The following STK3 variants were observed in gnomAD, a reference collection of about 807,000 sequenced individuals.
The protein encoded by STK3 is serine/threonine kinase 3.
Under a neutral mutation model 58.0 loss-of-function variants are expected in STK3, and 41 were observed. That is an observed-to-expected ratio of 0.71 (90% CI 0.55 to 0.92). The LOEUF (loss-of-function observed/expected upper bound fraction) is 0.92. Ranked by LOEUF, STK3 falls within the 40% of genes least tolerant of loss-of-function variation. The pLI is 0.00. For missense variants in STK3, 479 were observed against 602.7 expected (o/e 0.79, Z 2.15); for synonymous variants, 170 against 191.0 (o/e 0.89, Z 0.91).
intron 4 of STK3, among the ~76,000 whole-genome samples, chr8:98,746,197 A>C (rs762249900): frequency 3.3e-5 from 5 of 152,326 alleles, no homozygotes; most frequent in Admixed American, 6.5e-5. Flanking sequence ...CACCAGATAG[A>C]AACAAAAACC....
intron 1 of STK3, among the ~76,000 whole-genome samples, chr8:98,441,696 A>G (rs1719137880): frequency 1.3e-5 from 2 of 152,142 alleles, no homozygotes; most frequent in South Asian, 4.1e-4. Flanking sequence ...AGTGGTGGAG[A>G]ATCTCCACCT....
chr8:98,830,969 C>CAAAAAAAAAA, intron 3 of STK3, among the ~76,000 whole-genome samples: 1 of 59,906 alleles, frequency 1.7e-5, no homozygotes, highest in Non-Finnish European at 3.1e-5. Flanking sequence ...GACTCTGTCT[C>CAAAAAAAAAA]AAAAAAAAAA....
chr8:98,613,510 C>G (rs906009645), intron 6 of STK3, among the ~76,000 whole-genome samples: 7 of 151,916 alleles, frequency 4.6e-5, no homozygotes, highest in Non-Finnish European at 1.0e-4. Context: ...TTTACCAGTA[C>G]CTTGTGATAA....
chr8:98,808,255 AG>A (rs1834006653), intron 1 of STK3, among the ~76,000 whole-genome samples: 1 of 152,254 alleles, frequency 6.6e-6, no homozygotes. Context: ...AGGGCAGGAC[AG>A]GAAAGAAAGT....
At chr8:98,536,461 T>TAA (rs969944467) in intron 9 of STK3, among the ~76,000 whole-genome samples, 1 of 151,164 alleles carries the variant, frequency 6.6e-6, no homozygotes, top group Non-Finnish European at 1.5e-5. Flanking sequence ...ACCCTTCTCT[T>TAA]AAAAAAAAAT....
chr8:98,526,675 T>C (rs1825763126), intron 10 of STK3, 67 bp downstream of exon 10: 4 of 1,346,564 alleles, frequency 3.0e-6, no homozygotes, highest in African/African-American at 1.5e-5. Flanking sequence ...ATATGAACTA[T>C]GCTTCTCAAT....
At chr8:98,858,323 T>TATATATAGAG (rs1189807446) in intron 3 of STK3, among the ~76,000 whole-genome samples, 72 of 16,264 alleles carry the variant, frequency 4.4e-3, no homozygotes, top group East Asian at 5.2e-3. Flanking sequence ...TATATATATA[T>TATATATAGAG]AGAGAGAGAG....
chr8:98,599,723 A>T (rs1282680972), intron 6 of STK3, among the ~76,000 whole-genome samples: 1 of 152,076 alleles, frequency 6.6e-6, no homozygotes, highest in African/African-American at 2.4e-5. Flanking sequence ...TGTAATCCCA[A>T]CACTTTGAGG....
chr8:98,710,607 A>G (rs1040853232), intron 4 of STK3, among the ~76,000 whole-genome samples: 2 of 152,234 alleles, frequency 1.3e-5, no homozygotes, highest in African/African-American at 4.8e-5. Flanking sequence ...GGCGCCTGCC[A>G]TTGCCCAGGC....
intron 8 of STK3, among the ~76,000 whole-genome samples, chr8:98,564,202 C>A (rs1406267245): frequency 1.3e-5 from 2 of 152,078 alleles, no homozygotes; most frequent in Non-Finnish European, 2.9e-5. Context: ...AATTGAAGGA[C>A]ATTCTACAAA....
chr8:98,715,154 T>C (rs1645057155), intron 4 of STK3, among the ~76,000 whole-genome samples: 2 of 152,104 alleles, frequency 1.3e-5, no homozygotes, highest in Non-Finnish European at 2.9e-5. Flanking sequence ...AAGACTTACA[T>C]GTTAGACCTA....
At chr8:98,940,091 A>T (rs1387085057) in intron 1 of STK3, among the ~76,000 whole-genome samples, 1 of 152,070 alleles carries the variant, frequency 6.6e-6, no homozygotes, top group Non-Finnish European at 1.5e-5. Context: ...AGGCGAAAGC[A>T]CGCTCTGTGC....
In STK3 at chr8:98,755,012, C is replaced by T. The variant is rs560315557; in HGVS notation, c.237-5622G>A. Among the ~76,000 whole-genome samples the T allele has an allele frequency of 3.9e-5, 6 of 152,326 alleles. No individual in the cohort carries two copies. The South Asian group carries it at 1.2e-3, about 32-fold the overall frequency. ...TAACCTGGGCAGCCACCTGAAAACA[C>T]AGCCCTATCTCTCCATAAGAGTAAG... On this transcript the variant is annotated intron_variant, in intron 3 of 10. Coordinates refer to ENST00000419617, the MANE Select transcript of STK3 (RefSeq NM_006281.4).
chr8:98,767,528 A>C (rs1831026021), intron 2 of STK3, among the ~76,000 whole-genome samples, 157 bp from the exon 3 acceptor site: 1 of 152,266 alleles, frequency 6.6e-6, no homozygotes, highest in Non-Finnish European at 1.5e-5. Flanking sequence ...TTAAAAGGTA[A>C]TGAATTATAT....
chr8:98,586,748 G>A (rs562324792), intron 7 of STK3, among the ~76,000 whole-genome samples: 13 of 152,146 alleles, frequency 8.5e-5, no homozygotes, highest in South Asian at 4.1e-4. Context: ...TGGTTGGTAA[G>A]CTATTGATTA....
At chr8:98,937,884 C>T (rs1840251523) in intron 1 of STK3, among the ~76,000 whole-genome samples, 1 of 152,170 alleles carries the variant, frequency 6.6e-6, no homozygotes, top group Admixed American at 6.5e-5. Context: ...TTGAATGTTA[C>T]TATATCAAAC....
intron 6 of STK3, among the ~76,000 whole-genome samples, chr8:98,611,338 T>C (rs1422645039): frequency 6.6e-6 from 1 of 152,006 alleles, no homozygotes; most frequent in East Asian, 1.9e-4. Context: ...GAAAAGTTTA[T>C]AATTAAAAAA....
downstream of STK3, among the ~76,000 whole-genome samples, chr8:98,366,353 T>C (rs895532899): frequency 2.0e-5 from 3 of 152,230 alleles, no homozygotes; most frequent in African/African-American, 7.2e-5. Context: ...TTAAAGAAAT[T>C]CTTTATATTT....
At chr8:98,807,152 C>CAAA (rs1039866302) in intron 1 of STK3, among the ~76,000 whole-genome samples, 1 of 55,212 alleles carries the variant, frequency 1.8e-5, no homozygotes, top group African/African-American at 5.9e-5. Context: ...GACTCCGTCT[C>CAAA]AAAAAAAAAA....
Sources: allele counts gnomAD v4.1 joint callset (sites outside exome capture counted in the v4.1 genomes callset), GRCh38; gene constraint gnomAD v4.1.1; transcripts MANE v1.5; gene names NCBI Gene and HGNC (gene_info 2026-07-23, HGNC 2026-07-21).